MICB: variants seen among roughly 807,000 people sequenced by gnomAD.
MICB encodes the protein MHC class I antigen-related protein B.
Under a neutral mutation model 34.3 loss-of-function variants are expected in MICB, and 27 were observed. The observed-to-expected ratio is 0.79, with a 90% confidence interval of 0.58 to 1.08. The LOEUF (loss-of-function observed/expected upper bound fraction) is 1.08. MICB is among the 50% of genes least tolerant of loss of function. MICB has a pLI of 0.00. For synonymous variants in MICB, 153 were observed against 187.4 expected (o/e 0.82, Z 1.50); for missense variants, 426 against 483.1 (o/e 0.88, Z 1.11).
chr6:31,506,549 TATTGTGTCCTG>T, intron 3 of MICB, 119 bp downstream of exon 3: 2 of 1,124,214 alleles, frequency 1.8e-6, no homozygotes, highest in Non-Finnish European at 2.5e-6. Context: ...CCTGTTGGCA[TATTGTGTCCTG>T]ATTTGCCTCT....
chr6:31,505,293 A>G (rs4713473), intron 1 of MICB, among the ~76,000 whole-genome samples: 7 of 150,396 alleles, frequency 4.7e-5, no homozygotes, highest in Non-Finnish European at 8.9e-5. Context: ...CTTCCTTCCA[A>G]CACTGCCTTC....
At chr6:31,506,006 G>T (rs1387194155) in intron 2 of MICB, 135 bp downstream of exon 2, 2 of 1,469,660 alleles carry the variant, frequency 1.4e-6, no homozygotes, top group Non-Finnish European at 1.8e-6. Flanking sequence ...GGCTCAGCAG[G>T]GTGGTGAGCC....
chr6:31,499,426 C>T (rs899259451), intron 1 of MICB, among the ~76,000 whole-genome samples: 1 of 152,016 alleles, frequency 6.6e-6, no homozygotes, highest in East Asian at 1.9e-4. Flanking sequence ...GCCCCCGCCA[C>T]TGAAGGTCCC....
intron 5 of MICB, 133 bp from the exon 6 acceptor site, chr6:31,509,649 A>G: frequency 8.5e-7 from 1 of 1,169,710 alleles, no homozygotes; most frequent in Non-Finnish European, 1.2e-6. Flanking sequence ...GGAGGAAGAA[A>G]AAAGTGGGGG....
Position 31,505,618 on chromosome 6 carries a change from G to T in MICB, c.72G>T (p.Glu24Asp), listed in dbSNP as rs1300036770. ...FPFAPPAAAA[E>D]PHSLRYNLMV... is the part of the protein sequence containing the mutation. ...CACCTGTGATTTCCTCTTCCCCAGA[G>T]CCCCACAGTCTTCGTTACAACCTCA... The change falls in exon 2 of 6, where the codon GAG becomes GAT. Residue 24 changes from glutamate (E) to aspartate (D), a missense_variant and splice_region_variant. By Grantham distance (45) the Glu-to-Asp change is conservative. Coordinates refer to ENST00000252229, the MANE Select transcript of MICB (RefSeq NM_005931.5). 1 of 1,611,836 alleles carries T rather than the reference G, an allele frequency of 6.2e-7. No individual in the cohort carries two copies. Among genetic ancestry groups the T allele is most frequent in the African/African-American group, 1.3e-5 (1 of 74,890 alleles).
At position 31,509,921 on chromosome 6, in the gene MICB, A is replaced by G. The variant is rs1458453520; in HGVS notation, c.*12A>G. 6 of 1,588,062 alleles carry G rather than the reference A, an allele frequency of 3.8e-6. No individual in the cohort carries two copies. The highest frequency in any genetic ancestry group is 1.3e-5 in the African/African-American group (1 of 74,110). Reference sequence around the variant, plus strand: ...CTGAGGGCACCTAGACTCTACAGCCAGGCGGCCAGGATTCAACTCCCTGCC... The same window carrying G: ...CTGAGGGCACCTAGACTCTACAGCCGGGCGGCCAGGATTCAACTCCCTGCC... On this transcript the variant is annotated 3_prime_UTR_variant, in exon 6 of 6. Coordinates refer to ENST00000252229, the MANE Select transcript of MICB (RefSeq NM_005931.5).
chr6:31,496,364 T>TC (rs1428370268), upstream of MICB, among the ~76,000 whole-genome samples: 2 of 108,052 alleles, frequency 1.9e-5, no homozygotes, highest in East Asian at 3.0e-4. Flanking sequence ...CTTCCTTTTT[T>TC]TCTTTTTTTT....
At position 31,498,446 on chromosome 6, in the gene MICB, C is replaced by CTTTTT. The variant is rs9279321; in HGVS notation, c.70+216_70+220dup. On this transcript the variant is annotated intron_variant, in intron 1 of 5. Coordinates refer to ENST00000252229, the MANE Select transcript of MICB (RefSeq NM_005931.5). ...AGCCCTGCTTTCCCATCTCCCGTCTCTTTTTTTTTTTTTTTTTTTTTTTTT... is the reference window on the plus strand; with the variant it reads ...AGCCCTGCTTTCCCATCTCCCGTCTCTTTTTTTTTTTTTTTTTTTTTTTTTTTTTT... Among the ~76,000 whole-genome samples, 87 of 89,304 alleles carry CTTTTT rather than the reference C, an allele frequency of 9.7e-4. 1 individual carries two copies. Among genetic ancestry groups the CTTTTT allele is most frequent in the Non-Finnish European group, 1.4e-3 (65 of 46,942 alleles). The allele number at this position is 89,304 out of a possible 152,430, so 58.6% of individuals were successfully genotyped here.
At chr6:31,495,478 G>T (rs1764605829), upstream of MICB, among the ~76,000 whole-genome samples, 1 of 152,114 alleles carries the variant, frequency 6.6e-6, no homozygotes, top group African/African-American at 2.4e-5. Flanking sequence ...TCCCTGCTGT[G>T]CTTAATAAAT....
In MICB at chr6:31,505,881, G is replaced by A. The variant is rs776253185; in HGVS notation, c.325+10G>A. On this transcript the variant is annotated intron_variant, in intron 2 of 5. Transcript: ENST00000252229. ...AAGGACCAGAAAGGAGGTGAGAGTCGGCAGGGGCAAGAGTAATGGGAGGCC... is the reference window on the plus strand; with the variant it reads ...AAGGACCAGAAAGGAGGTGAGAGTCAGCAGGGGCAAGAGTAATGGGAGGCC... The A allele has an allele frequency of 6.9e-6, 11 of 1,590,852 alleles. No individual in the cohort carries two copies. The highest frequency in any genetic ancestry group is 1.8e-5 in the Admixed American group (1 of 56,290).
At position 31,507,179 on chromosome 6, in the gene MICB, G is replaced by A. The variant is rs370163286; in HGVS notation, c.771G>A (p.Leu257=). ...ACACCCAGCAGTGGGGGGATGTCCT[G>A]CCTGATGGGAATGGAACCTACCAGA... is the stretch of plus-strand genomic sequence containing the variant. ...SHNTQQWGDV[L]PDGNGTYQTW... Residue 257 remains leucine (L), a synonymous_variant, in exon 4 of 6, where the codon CTG becomes CTA. Coordinates refer to ENST00000252229, the MANE Select transcript of MICB (RefSeq NM_005931.5). The surrounding 1 kb of genome is among the most constrained non-coding windows in gnomAD (Gnocchi z 6.0). 3.3e-5 allele frequency: 54 copies of A among 1,614,134 alleles called. No homozygotes were observed. Among genetic ancestry groups the A allele is most frequent in the Non-Finnish European group, 4.6e-5 (54 of 1,180,004 alleles).
chr6:31,505,925 G>A, intron 2 of MICB, 54 bp downstream of exon 2: 1 of 1,538,592 alleles, frequency 6.5e-7, no homozygotes, highest in Admixed American at 2.0e-5. Context: ...GAAAGTTGGA[G>A]ACAGAGAGCA....
intron 1 of MICB, among the ~76,000 whole-genome samples, chr6:31,500,806 A>C (rs1764978090): frequency 6.6e-6 from 1 of 152,146 alleles, no homozygotes; most frequent in Non-Finnish European, 1.5e-5. Flanking sequence ...TGTGCACCAC[A>C]TTTTCTTTCT....
At chr6:31,500,890 G>A (rs1482024705) in intron 1 of MICB, among the ~76,000 whole-genome samples, 4 of 152,186 alleles carry the variant, frequency 2.6e-5, no homozygotes, top group Admixed American at 6.5e-5. Flanking sequence ...AATAAACATG[G>A]AAAAGTAGAT....
intron 5 of MICB, 128 bp from the exon 6 acceptor site, chr6:31,509,654 T>A: frequency 8.4e-7 from 1 of 1,185,178 alleles, no homozygotes; most frequent in South Asian, 1.8e-5. Context: ...AAGAAAAAAG[T>A]GGGGGCCTCA....
Position 31,505,744 on chromosome 6 carries a change from A to C in MICB, c.198A>C (p.Ala66=). The C allele has an allele frequency of 1.2e-6, 2 of 1,613,204 alleles. No individual in the cohort carries two copies. The highest frequency in any genetic ancestry group is 8.5e-7 in the Non-Finnish European group (1 of 1,180,052). The part of the protein sequence containing the change: ...FLRYDRQKRR[A]KPQGQWAENV... ...GCTATGACAGGCAGAAACGCAGGGC[A>C]AAGCCCCAGGGACAGTGGGCAGAAA... Residue 66 remains alanine (A), a synonymous_variant, in exon 2 of 6, where the codon GCA becomes GCC. Transcript: ENST00000252229.
chr6:31,505,606 C>T lies in MICB; in HGVS notation c.71-11C>T, dbSNP rs1765259173. On this transcript the variant is annotated splice_polypyrimidine_tract_variant and intron_variant, in intron 1 of 5. Transcript: ENST00000252229. ...AGGAAGAAGTTTCACCTGTGATTTCCTCTTCCCCAGAGCCCCACAGTCTTC... is the reference window on the plus strand; with the variant it reads ...AGGAAGAAGTTTCACCTGTGATTTCTTCTTCCCCAGAGCCCCACAGTCTTC... 1.2e-6 allele frequency: 2 copies of T among 1,610,014 alleles called. No homozygotes were observed. The highest frequency in any genetic ancestry group is 1.7e-6 in the Non-Finnish European group (2 of 1,178,310).
chr6:31,509,849 G>T lies in MICB; in HGVS notation c.1092G>T (p.Gln364His). The change falls in exon 6 of 6, where the codon CAG becomes CAT. Residue 364 changes from glutamine to histidine, a missense_variant. Physicochemically the swap from Gln to His is conservative, Grantham distance 24 (BLOSUM62 0). Coordinates refer to ENST00000252229, the MANE Select transcript of MICB (RefSeq NM_005931.5). Reference protein sequence around the residue: ...VGTGDHRDAAQLGFQPLMSAT... With the variant: ...VGTGDHRDAAHLGFQPLMSAT... ...CAGGAGACCACAGGGATGCAGCACA[G>T]CTGGGATTTCAGCCTCTGATGTCAG... 6.2e-7 allele frequency: 1 copy of T among 1,613,552 alleles called. No individual in the cohort carries two copies. The highest frequency in any genetic ancestry group is 8.5e-7 in the Non-Finnish European group (1 of 1,179,714).
rs1337006600 is a variant in MICB at position 31,498,276 on chromosome 6, C to T, written c.70+13C>T. 6.5e-7 allele frequency: 1 copy of T among 1,548,086 alleles called. No individual in the cohort carries two copies. The highest frequency in any genetic ancestry group is 1.2e-5 in the South Asian group (1 of 86,718). ...GCAGCCGCCGCTGGTGAGTGGGGTT[C>T]CTGGCGGTCCCCGGCGGAGCGGGAG... On this transcript the variant is annotated intron_variant, in intron 1 of 5. Coordinates refer to ENST00000252229, the MANE Select transcript of MICB (RefSeq NM_005931.5).
Sources: gnomAD v4.1 joint callset for allele counts (sites outside exome capture counted in the v4.1 genomes callset) on GRCh38, gnomAD v4.1.1 for gene constraint, Gnocchi (gnomAD v3.1) non-coding constraint, MANE v1.5 for transcripts, NCBI Gene and HGNC (gene_info 2026-07-23, HGNC 2026-07-21) for gene names.